CLPB: variants seen among roughly 807,000 people sequenced by gnomAD.
CLPB encodes the protein mitochondrial disaggregase.
A neutral mutation model predicts 78.4 loss-of-function variants in CLPB; 40 were observed. The observed-to-expected ratio is 0.51, with a 90% CI of 0.40 to 0.66. The LOEUF (loss-of-function observed/expected upper bound fraction) is 0.66. Ranked by LOEUF, CLPB falls within the 30% of genes least tolerant of loss-of-function variation. CLPB has a pLI of 0.00. For missense variants in CLPB, 780 were observed against 886.9 expected, an observed-to-expected ratio of 0.88 and a Z score of 1.53; for synonymous variants, 333 against 348.0, an observed-to-expected ratio of 0.96 and a Z score of 0.48.
chr11:72,334,560 A>G (rs1010809970), intron 5 of CLPB, among the ~76,000 whole-genome samples: 8 of 152,236 alleles, frequency 5.3e-5, no homozygotes, highest in Admixed American at 3.9e-4. Flanking sequence ...TCCACGACCA[A>G]CGGCCACAAA....
Position 72,349,055 on chromosome 11 carries a change from G to A in CLPB, c.775+9825C>T, listed in dbSNP as rs181340086. On this transcript the variant is annotated intron_variant, in intron 5 of 15. Transcript: ENST00000538039. ...TAGGGATGATGGTGGTTAGTTGTAAGAAAATAATTAATAGTTGCTGAATAA... is the reference window on the plus strand; with the variant it reads ...TAGGGATGATGGTGGTTAGTTGTAAAAAAATAATTAATAGTTGCTGAATAA... Among the ~76,000 whole-genome samples, 397 of 152,328 alleles carry A rather than the reference G, an allele frequency of 2.6e-3. 1 individual carries two copies. The highest frequency in any genetic ancestry group is 4.7e-3 in the Non-Finnish European group (323 of 68,024).
intron 3 of CLPB, among the ~76,000 whole-genome samples, chr11:72,380,915 T>G (rs1414699056): frequency 6.6e-6 from 1 of 152,136 alleles, no homozygotes; most frequent in East Asian, 1.9e-4. Context: ...GCTCAAAGTG[T>G]GATAAAGGTT....
At position 72,289,633 on chromosome 11, in the gene CLPB, C is replaced by T. The variant is rs1259399778; in HGVS notation, c.*3734G>A. The T allele has an allele frequency of 1.3e-5, 2 of 152,168 alleles. No individual in the cohort carries two copies. Among genetic ancestry groups the T allele is most frequent in the Non-Finnish European group, 2.9e-5 (2 of 68,046 alleles). The allele number at this position is 152,168 out of a possible 1,614,324, so 9.4% of individuals were successfully genotyped here. A position where few individuals can be genotyped will look rare whatever the true frequency, so the allele number is the denominator to read the frequency against. On this transcript the variant is annotated 3_prime_UTR_variant, in exon 16 of 16. Transcript: ENST00000538039. ...TCACTCAGGCTGCAGTGCAGTGGTA[C>T]AATCACAGTTCACTACAGCCTCAAC...
At chr11:72,374,468 G>A (rs1456082899) in intron 4 of CLPB, among the ~76,000 whole-genome samples, 1 of 152,138 alleles carries the variant, frequency 6.6e-6, no homozygotes, top group Non-Finnish European at 1.5e-5. Flanking sequence ...AGGGCTGGAG[G>A]GAAAGCAAAG....
intron 3 of CLPB, among the ~76,000 whole-genome samples, chr11:72,385,321 AT>A (rs1473593912): frequency 2.0e-5 from 3 of 152,138 alleles, no homozygotes; most frequent in African/African-American, 7.2e-5. Flanking sequence ...CCACTAATAC[AT>A]TTTTTCCTTC....
At chr11:72,383,404 G>A (rs898941335) in intron 3 of CLPB, among the ~76,000 whole-genome samples, 2 of 151,846 alleles carry the variant, frequency 1.3e-5, no homozygotes, top group South Asian at 2.1e-4. Context: ...GGTGGCGGGC[G>A]CCTGTAGTCC....
Position 72,291,396 on chromosome 11 carries a change from C to T in CLPB, c.*1971G>A, listed in dbSNP as rs1949449609. On this transcript the variant is annotated 3_prime_UTR_variant, in exon 16 of 16. Coordinates refer to ENST00000538039, the MANE Select transcript of CLPB (RefSeq NM_001258392.3). ...GATTTCAGCTCACTGCAACCTCCGC[C>T]TCCTGGGCTCAAGTGATTCTCCTGC... 1 of 152,200 alleles carries T rather than the reference C, an allele frequency of 6.6e-6. No homozygotes were observed. Among genetic ancestry groups the T allele is most frequent in the South Asian group, 2.1e-4 (1 of 4,830 alleles). The allele number at this position is 152,200 out of a possible 1,614,324, so 9.4% of individuals were successfully genotyped here. A position where few individuals can be genotyped will look rare whatever the true frequency, so the allele number is the denominator to read the frequency against.
chr11:72,378,454 C>T (rs1167283366), intron 4 of CLPB, among the ~76,000 whole-genome samples: 1 of 152,166 alleles, frequency 6.6e-6, no homozygotes, highest in Non-Finnish European at 1.5e-5. Context: ...ATGGGAAACC[C>T]CTAGCAAACC....
intron 2 of CLPB, among the ~76,000 whole-genome samples, chr11:72,406,464 T>C (rs1239741211): frequency 6.6e-6 from 1 of 152,208 alleles, no homozygotes; most frequent in African/African-American, 2.4e-5. Context: ...TCTAGCTAGA[T>C]AACTCTAAGC....
chr11:72,430,626 GCAC>G, intron 1 of CLPB: 2 of 483,274 alleles, frequency 4.1e-6, no homozygotes, highest in Non-Finnish European at 7.4e-6. Context: ...TCAACTGCTA[GCAC>G]CACGTCTTGC....
At chr11:72,409,840 G>A (rs547312406) in intron 2 of CLPB, among the ~76,000 whole-genome samples, 1 of 152,200 alleles carries the variant, frequency 6.6e-6, no homozygotes, top group East Asian at 1.9e-4. Context: ...AGCTGGGCGT[G>A]GTGGCGCACG....
intron 2 of CLPB, among the ~76,000 whole-genome samples, chr11:72,408,755 T>C (rs1031741927): frequency 2.0e-5 from 3 of 150,806 alleles, no homozygotes; most frequent in South Asian, 2.1e-4. Flanking sequence ...GCCCCTCCCC[T>C]GCCTCCCCTC....
chr11:72,332,530 G>C (rs1274441322), intron 5 of CLPB, among the ~76,000 whole-genome samples: 2 of 151,600 alleles, frequency 1.3e-5, no homozygotes, highest in African/African-American at 4.9e-5. Context: ...AAAAGGAAAG[G>C]AAAAAGGAAA....
intron 6 of CLPB, among the ~76,000 whole-genome samples, chr11:72,321,286 C>T (rs1950039433): frequency 6.6e-6 from 1 of 152,144 alleles, no homozygotes; most frequent in African/African-American, 2.4e-5. Flanking sequence ...GGGCACTGAG[C>T]TGAGAGGCAC....
At chr11:72,416,735 C>T (rs1386009498) in intron 2 of CLPB, among the ~76,000 whole-genome samples, 1 of 50,680 alleles carries the variant, frequency 2.0e-5, no homozygotes, top group South Asian at 6.7e-4. Context: ...GACTCCGTCT[C>T]AAAAAAAAAA....
At chr11:72,327,206 C>A (rs1167864110) in intron 6 of CLPB, among the ~76,000 whole-genome samples, 2 of 152,216 alleles carry the variant, frequency 1.3e-5, no homozygotes, top group Non-Finnish European at 2.9e-5. Context: ...CCCAATAAGC[C>A]TAGCCACTCT....
At position 72,329,178 on chromosome 11, in the gene CLPB, T is replaced by C. The variant is rs149538717; in HGVS notation, c.873+529A>G. On this transcript the variant is annotated intron_variant, in intron 6 of 15. Coordinates refer to ENST00000538039, the MANE Select transcript of CLPB (RefSeq NM_001258392.3). ...TGTTTTCAGGAGTTCAAAAGTTTGG[T>C]TGGGAAAACAGAATTAGAATGGAGG... Among the ~76,000 whole-genome samples the C allele has an allele frequency of 4.4e-3, 667 of 152,256 alleles. 3 individuals are homozygous for C. The highest frequency in any genetic ancestry group is 6.3e-3 in the Non-Finnish European group (431 of 68,008).
At chr11:72,320,193 G>A (rs201831584) in intron 6 of CLPB, among the ~76,000 whole-genome samples, 32 of 152,274 alleles carry the variant, frequency 2.1e-4, no homozygotes, top group African/African-American at 5.8e-4. Context: ...CTCACATAAC[G>A]TATCTTTTCC....
intron 5 of CLPB, among the ~76,000 whole-genome samples, chr11:72,346,988 TA>T (rs60688188): frequency 0.034 from 2,035 of 60,198 alleles, 24 homozygotes; most frequent in Non-Finnish European, 0.052. Flanking sequence ...TCTCAAAAAT[TA>T]AAAAAAAAAA....
Sources: allele counts gnomAD v4.1 joint callset (sites outside exome capture counted in the v4.1 genomes callset), GRCh38; gene constraint gnomAD v4.1.1; transcripts MANE v1.5; gene names NCBI Gene and HGNC (gene_info 2026-07-23, HGNC 2026-07-21).